The following HELLS variants were observed in gnomAD, a reference collection of about 807,000 sequenced individuals.
HELLS encodes the protein lymphoid-specific helicase.
HELLS carries 32 observed loss-of-function variants against 120.0 expected under a neutral mutation model. The observed-to-expected ratio is 0.27, with a 90% CI of 0.20 to 0.36. The LOEUF (loss-of-function observed/expected upper bound fraction) is 0.36, where lower values mean the gene tolerates loss of function less well. HELLS is among the 10% of genes least tolerant of loss of function. The pLI is 1.00. For synonymous variants in HELLS, 341 were observed against 323.4 expected, an observed-to-expected ratio of 1.05 and a Z score of -0.58; for missense variants, 650 against 993.4, an observed-to-expected ratio of 0.65 and a Z score of 4.65.
In HELLS at chr10:94,554,653, TTTG is replaced by T. The variant is rs1309197468; in HGVS notation, c.276+408_276+410del. 2.5e-3 allele frequency among the ~76,000 whole-genome samples: 337 copies of T among 135,328 alleles called. 4 individuals are homozygous for T. The highest frequency in any genetic ancestry group is 8.0e-3 in the African/African-American group (308 of 38,700). 88.8% of individuals were successfully genotyped at this position (135,328 alleles called of 152,430 possible). A position where few individuals can be genotyped will look rare whatever the true frequency, so the allele number is the denominator to read the frequency against. ...TCTTCAAAGTAATAGTGTTTTTTTT[TTTG>T]TTTTTTTTTTTTTAATGCTAATGAT... On this transcript the variant is annotated intron_variant, in intron 3 of 21. Coordinates refer to ENST00000348459, the MANE Select transcript of HELLS (RefSeq NM_018063.5).
intron 2 of HELLS, among the ~76,000 whole-genome samples, chr10:94,550,110 G>A (rs893102292): frequency 6.6e-6 from 1 of 151,954 alleles, no homozygotes; most frequent in African/African-American, 2.4e-5. Flanking sequence ...AGTAGAGATG[G>A]GGTTTCTCCA....
chr10:94,576,636 A>G (rs2134061999), intron 9 of HELLS, 26 bp from the exon 10 acceptor site: 4 of 1,392,050 alleles, frequency 2.9e-6, no homozygotes, highest in East Asian at 4.6e-5. Flanking sequence ...CTTAAGTCTG[A>G]TAAAAATCAA....
chr10:94,593,812 A>G (rs1308247223), intron 18 of HELLS, among the ~76,000 whole-genome samples, 197 bp downstream of exon 18: 5 of 151,858 alleles, frequency 3.3e-5, no homozygotes, highest in Admixed American at 6.6e-5. Context: ...ATAGGTGTAC[A>G]CCACAATGCC....
At position 94,571,400 on chromosome 10, in the gene HELLS, G is replaced by A. The variant is rs760959215; in HGVS notation, c.448G>A (p.Val150Met). The A allele has an allele frequency of 2.0e-6, 3 of 1,493,144 alleles. No homozygotes were observed. Among genetic ancestry groups the A allele is most frequent in the Non-Finnish European group, 2.8e-6 (3 of 1,083,816 alleles). 92.5% of individuals were successfully genotyped at this position (1,493,144 alleles called of 1,614,324 possible). A position where few individuals can be genotyped will look rare whatever the true frequency, so the allele number is the denominator to read the frequency against. Residue 150 changes from valine to methionine, a missense_variant, in exon 7 of 22, where the codon GTG becomes ATG. Physicochemically the swap from Val to Met is conservative, Grantham distance 21. Around this residue, in one of 9 missense-constraint regions of HELLS, gnomAD observed 113 missense variants for 120.7 expected, o/e 0.94. Coordinates refer to ENST00000348459, the MANE Select transcript of HELLS (RefSeq NM_018063.5). ...EVMSKEEILS[V>M]AKKNKKENED... ...CTCAAACTACTAGGAAATTTTGTCT[G>A]TGGCTAAAAAAAATAAAAAGGAGAA...
chr10:94,577,327 C>T (rs772967914), intron 10 of HELLS: 6 of 277,988 alleles, frequency 2.2e-5, no homozygotes, highest in Non-Finnish European at 4.2e-5. Context: ...TGAACTTCTT[C>T]CTCACTGCTC....
At chr10:94,584,840 A>G (rs143490674) in intron 12 of HELLS, among the ~76,000 whole-genome samples, 1 of 152,242 alleles carries the variant, frequency 6.6e-6, no homozygotes, top group African/African-American at 2.4e-5. Context: ...CAACAGTTTT[A>G]TCAAAAATAG....
chr10:94,597,989 C>G (rs1845823917), intron 21 of HELLS, among the ~76,000 whole-genome samples: 1 of 151,170 alleles, frequency 6.6e-6, no homozygotes, highest in African/African-American at 2.4e-5. Flanking sequence ...AGAAGAGAGC[C>G]AGGATATATT....
exon 10 of HELLS, chr10:94,613,465 G>A (rs1021877389): frequency 1.3e-5 from 2 of 152,106 alleles, no homozygotes; most frequent in Non-Finnish European, 2.9e-5. Flanking sequence ...TATAAAATAA[G>A]CAACATCTTA....
chr10:94,571,232 T>C (rs1044620926), intron 6 of HELLS, 156 bp from the exon 7 acceptor site: 2 of 561,446 alleles, frequency 3.6e-6, no homozygotes, highest in East Asian at 6.8e-5. Context: ...GCCAGTAATG[T>C]CTATAGGCTT....
chr10:94,588,216 G>T lies in HELLS; in HGVS notation c.1327-13G>T, dbSNP rs1247151932. 6.5e-7 allele frequency: 1 copy of T among 1,537,266 alleles called. No homozygotes were observed. The highest frequency in any genetic ancestry group is 8.9e-7 in the Non-Finnish European group (1 of 1,118,724). ...TTAATACTCATATTTTTCTGTTCATGTTTTAATTTTAGATTTTAACACCTT... is the reference window on the plus strand; with the variant it reads ...TTAATACTCATATTTTTCTGTTCATTTTTTAATTTTAGATTTTAACACCTT... On this transcript the variant is annotated splice_polypyrimidine_tract_variant and intron_variant, in intron 12 of 21. Transcript: ENST00000348459.
chr10:94,605,497 C>G (rs1461031997), downstream of HELLS, among the ~76,000 whole-genome samples: 1 of 152,132 alleles, frequency 6.6e-6, no homozygotes, highest in African/African-American at 2.4e-5. Flanking sequence ...ACTCGCATAT[C>G]TGGCTGTATT....
intron 21 of HELLS, among the ~76,000 whole-genome samples, chr10:94,600,355 TGA>T (rs1845972486): frequency 2.0e-5 from 3 of 151,140 alleles, no homozygotes; most frequent in African/African-American, 7.3e-5. Flanking sequence ...AAAATTTATA[TGA>T]GAGAGTAATA....
At chr10:94,560,881 C>T (rs1843522780) in intron 4 of HELLS, among the ~76,000 whole-genome samples, 1 of 151,884 alleles carries the variant, frequency 6.6e-6, no homozygotes, top group African/African-American at 2.4e-5. Context: ...CATGGTGAAA[C>T]CCAGTCTCTA....
exon 10 of HELLS, chr10:94,613,499 T>G (rs1846214602): frequency 6.6e-6 from 1 of 152,222 alleles, no homozygotes; most frequent in Non-Finnish European, 1.5e-5. Context: ...CTTTCGATGT[T>G]TATTCTGTAA....
intron 3 of HELLS, chr10:94,557,111 G>T: frequency 5.9e-6 from 2 of 339,782 alleles, no homozygotes; most frequent in South Asian, 4.5e-5. Context: ...ACCTTGTTCT[G>T]TTCTTCCCAT....
chr10:94,604,675 G>A (rs1485383665), downstream of HELLS, among the ~76,000 whole-genome samples: 1 of 152,040 alleles, frequency 6.6e-6, no homozygotes, highest in East Asian at 1.9e-4. Flanking sequence ...TTTTAGTGTA[G>A]TTATATAACT....
chr10:94,595,407 A>G (rs1004878249), intron 19 of HELLS, among the ~76,000 whole-genome samples: 3 of 152,128 alleles, frequency 2.0e-5, no homozygotes, highest in African/African-American at 7.3e-5. Context: ...CATGTTCCTG[A>G]TAAGAGATTG....
Position 94,583,130 on chromosome 10 carries a change from T to G in HELLS, c.1326+71T>G, listed in dbSNP as rs528098445. On this transcript the variant is annotated intron_variant, in intron 12 of 21. Transcript: ENST00000348459. The stretch of plus-strand genomic sequence containing the variant: ...TATAAAAGGAACTCTGGAGATCACC[T>G]GTCTAACCCTTTGTAGTAGAGATTT... 39 of 720,712 alleles carry G rather than the reference T, an allele frequency of 5.4e-5. No homozygotes were observed. In the African/African-American group the frequency reaches 6.2e-4, roughly 11 times the overall value. The allele number at this position is 720,712 out of a possible 1,614,324, so 44.6% of individuals were successfully genotyped here.
At chr10:94,601,338 G>A (rs1236540543) in intron 21 of HELLS, among the ~76,000 whole-genome samples, 190 bp from the exon 22 acceptor site, 2 of 152,140 alleles carry the variant, frequency 1.3e-5, no homozygotes, top group African/African-American at 4.8e-5. Flanking sequence ...GTTGTATTAA[G>A]AATAGTGTAC....
Sources: gnomAD v4.1 joint callset for allele counts (sites outside exome capture counted in the v4.1 genomes callset) on GRCh38, gnomAD v4.1.1 for gene constraint, gnomAD v4.1.1 regional missense constraint, MANE v1.5 for transcripts, NCBI Gene and HGNC (gene_info 2026-07-23, HGNC 2026-07-21) for gene names.